The following EFHD1 variants were observed in gnomAD, a reference collection of about 807,000 sequenced individuals.
EFHD1 encodes the protein EF-hand domain-containing protein D1.
A neutral mutation model predicts 17.2 loss-of-function variants in EFHD1; 10 were observed. The ratio of observed to expected loss-of-function variants is 0.58; its 90% CI spans 0.36 to 0.99. The LOEUF is 0.99. EFHD1 is among the 50% of genes least tolerant of loss of function. The pLI, the probability that EFHD1 is intolerant of heterozygous loss-of-function variation, is 0.01. For synonymous variants in EFHD1, 153 were observed against 142.0 expected (o/e 1.08, Z -0.55); for missense variants, 310 against 327.5 (o/e 0.95, Z 0.41).
chr2:232,646,060 G>T (rs989635185), intron 1 of EFHD1, among the ~76,000 whole-genome samples: 5 of 152,214 alleles, frequency 3.3e-5, no homozygotes, highest in Non-Finnish European at 7.3e-5. Flanking sequence ...CCCTGAGCCT[G>T]TAGTAGCTGC....
At chr2:232,679,841 GCTAT>G (rs1299675245) in intron 3 of EFHD1, among the ~76,000 whole-genome samples, 1 of 152,060 alleles carries the variant, frequency 6.6e-6, no homozygotes, top group Non-Finnish European at 1.5e-5. Flanking sequence ...CAATTTTTTG[GCTAT>G]CTGATTGGCA....
intron 1 of EFHD1, 127 bp from the exon 2 acceptor site, chr2:232,662,675 C>A: frequency 7.6e-7 from 1 of 1,309,262 alleles, no homozygotes; most frequent in Non-Finnish European, 1.0e-6. Flanking sequence ...AGCAGGTGAC[C>A]CACATTGGCC....
intron 2 of EFHD1, among the ~76,000 whole-genome samples, chr2:232,667,154 G>C (rs1345335702): frequency 2.6e-5 from 4 of 152,130 alleles, no homozygotes; most frequent in Non-Finnish European, 4.4e-5. Context: ...GAGCCACCCA[G>C]ACTGCACAAT....
At chr2:232,619,312 CTTT>C (rs113872019) in intron 1 of EFHD1, among the ~76,000 whole-genome samples, 2 of 38,094 alleles carry the variant, frequency 5.3e-5, no homozygotes, top group Admixed American at 3.6e-4. Flanking sequence ...TTCTTTCTTT[CTTT>C]TTTTTTTTTT....
chr2:232,675,187 A>AAAAG (rs34795309), intron 3 of EFHD1, among the ~76,000 whole-genome samples: 105,764 of 146,766 alleles, frequency 0.72, 38,511 homozygotes, highest in East Asian at 0.94. Context: ...AAAGAAAAAA[A>AAAAG]AGAGAGAGAG....
chr2:232,653,824 C>T (rs1279966366), intron 1 of EFHD1, among the ~76,000 whole-genome samples: 1 of 152,192 alleles, frequency 6.6e-6, no homozygotes, highest in African/African-American at 2.4e-5. Context: ...GGCCCTTTTC[C>T]TTCTATGGGA....
intron 1 of EFHD1, among the ~76,000 whole-genome samples, chr2:232,652,414 G>A (rs1355518021): frequency 6.6e-6 from 1 of 152,020 alleles, no homozygotes; most frequent in Non-Finnish European, 1.5e-5. Flanking sequence ...CGGGTACATC[G>A]TTCCTACTGT....
intron 1 of EFHD1, among the ~76,000 whole-genome samples, chr2:232,660,616 G>A (rs1360647888): frequency 1.3e-5 from 2 of 152,004 alleles, no homozygotes; most frequent in African/African-American, 2.4e-5. Flanking sequence ...ACTACGGGTG[G>A]GCATATGATA....
At position 232,633,742 on chromosome 2, in the gene EFHD1, G is replaced by A. The variant is rs1477380035; in HGVS notation, c.38G>A (p.Arg13Gln). Reference sequence around the variant, plus strand: ...GAGCTGGCGTGCAAGCTGGAGCGCCGGCTGCGGCGCGAGGAGGCCGAGGAG... The same window carrying A: ...GAGCTGGCGTGCAAGCTGGAGCGCCAGCTGCGGCGCGAGGAGGCCGAGGAG... ...SEELACKLER[R>Q]LRREEAEESG... The change falls in exon 1 of 4, where the codon CGG (arginine) becomes CAG (glutamine). Residue 13 changes from arginine (R) to glutamine (Q), a missense_variant. By Grantham distance (43) the Arg-to-Gln change is conservative (BLOSUM62 1). Coordinates refer to ENST00000264059, the MANE Select transcript of EFHD1 (RefSeq NM_025202.4). 1 of 1,469,360 alleles carries A rather than the reference G, an allele frequency of 6.8e-7. No individual in the cohort carries two copies. Among genetic ancestry groups the A allele is most frequent in the South Asian group, 1.3e-5 (1 of 77,002 alleles). 91.0% of individuals were successfully genotyped at this position (1,469,360 alleles called of 1,614,324 possible). A position where few individuals can be genotyped will look rare whatever the true frequency, so the allele number is the denominator to read the frequency against.
intron 3 of EFHD1, among the ~76,000 whole-genome samples, chr2:232,679,287 A>G (rs973522354): frequency 1.4e-4 from 22 of 152,214 alleles, no homozygotes; most frequent in African/African-American, 4.8e-4. Flanking sequence ...ATATCGTCCC[A>G]AATGCCTTAA....
intron 1 of EFHD1, among the ~76,000 whole-genome samples, chr2:232,635,591 G>C (rs1429550010): frequency 1.3e-5 from 2 of 152,312 alleles, no homozygotes; most frequent in East Asian, 1.9e-4. Flanking sequence ...GGACGAGGCA[G>C]GCGGATCACC....
At chr2:232,631,068 A>C (rs1366447495), upstream of EFHD1, among the ~76,000 whole-genome samples, 3 of 152,100 alleles carry the variant, frequency 2.0e-5, no homozygotes, top group Non-Finnish European at 2.9e-5. Flanking sequence ...TCTACTAAAA[A>C]TATAAAATAT....
intron 1 of EFHD1, among the ~76,000 whole-genome samples, chr2:232,613,655 CACAA>C (rs774141445): frequency 2.0e-4 from 27 of 137,296 alleles, no homozygotes; most frequent in Admixed American, 5.0e-4. Flanking sequence ...TACACACACA[CACAA>C]ATACACACAC....
chr2:232,666,225 C>G (rs1347472404), intron 2 of EFHD1, among the ~76,000 whole-genome samples: 1 of 152,178 alleles, frequency 6.6e-6, no homozygotes, highest in African/African-American at 2.4e-5. Context: ...GCTTTGCATG[C>G]CAGAGCCAAG....
upstream of EFHD1, among the ~76,000 whole-genome samples, chr2:232,631,034 T>C (rs1257746776): frequency 6.6e-6 from 1 of 152,228 alleles, no homozygotes; most frequent in Non-Finnish European, 1.5e-5. Flanking sequence ...AAAACCAGCC[T>C]GGCCAACATG....
At chr2:232,642,750 G>GCAGCTGTTCCCGAGGGTCACCTC (rs1396045540) in intron 1 of EFHD1, among the ~76,000 whole-genome samples, 5 of 151,700 alleles carry the variant, frequency 3.3e-5, no homozygotes, top group African/African-American at 1.2e-4. Context: ...AGGGTCACCT[G>GCAGCTGTTCCCGAGGGTCACCTC]CAGCTGTTCC....
At chr2:232,630,439 CA>C (rs1405758477), upstream of EFHD1, among the ~76,000 whole-genome samples, 2 of 152,146 alleles carry the variant, frequency 1.3e-5, no homozygotes, top group Non-Finnish European at 2.9e-5. Context: ...TATTTTCCCT[CA>C]GGGGCGGGAC....
intron 1 of EFHD1, among the ~76,000 whole-genome samples, chr2:232,623,825 G>C (rs1310470641): frequency 6.6e-6 from 1 of 152,200 alleles, no homozygotes. Context: ...AGTGGGCAGA[G>C]GGCTGAGCTC....
chr2:232,634,917 C>T (rs1446801488), intron 1 of EFHD1, among the ~76,000 whole-genome samples: 2 of 152,196 alleles, frequency 1.3e-5, no homozygotes, highest in Non-Finnish European at 1.5e-5. Flanking sequence ...CCGGCCAGGT[C>T]ATGCTTGGGC....
Sources: allele counts gnomAD v4.1 joint callset (sites outside exome capture counted in the v4.1 genomes callset), GRCh38; gene constraint gnomAD v4.1.1; transcripts MANE v1.5; gene names NCBI Gene and HGNC (gene_info 2026-07-23, HGNC 2026-07-21).